ANXA4: variants seen among roughly 807,000 people sequenced by gnomAD.
ANXA4 encodes annexin A4, also known as 35-beta calcimedin.
In ANXA4, 39 loss-of-function variants were observed where a neutral mutation model predicts 49.8. The ratio of observed to expected loss-of-function variants is 0.78; its 90% CI spans 0.61 to 1.02. ANXA4 has a LOEUF of 1.02. Ranked by LOEUF, ANXA4 falls within the 50% of genes least tolerant of loss-of-function variation. ANXA4 has a pLI of 0.00. For synonymous variants in ANXA4, 134 were observed against 152.5 expected (o/e 0.88, Z 0.89); for missense variants, 360 against 410.1 (o/e 0.88, Z 1.05).
chr2:69,807,661 A>G (rs2168115), intron 5 of ANXA4, among the ~76,000 whole-genome samples: 88,881 of 152,028 alleles, frequency 0.58, 28,172 homozygotes, highest in African/African-American at 0.83. Flanking sequence ...GGCAGAAACC[A>G]TACCTACCCG....
At chr2:69,710,826 A>G (rs995841555) in intron 2 of ANXA4, among the ~76,000 whole-genome samples, 14 of 152,242 alleles carry the variant, frequency 9.2e-5, no homozygotes, top group African/African-American at 3.4e-4. Flanking sequence ...ATATGGAGCA[A>G]CTGGAATTCT....
At position 69,727,154 on chromosome 2, in the gene ANXA4, A is replaced by G. The variant is rs1016135227; in HGVS notation, n.864+6283A>G. On this transcript the variant is annotated intron_variant and non_coding_transcript_variant, in intron 3 of 3. Transcript: ENST00000418066. ...CTCCAAAAGTTCTGGGATTATAGGC[A>G]TGAGCCACTGTGCCTAGCCTCGTTT... Among the ~76,000 whole-genome samples the G allele has an allele frequency of 2.0e-5, 3 of 152,356 alleles. No individual in the cohort carries two copies. In the South Asian group the frequency reaches 6.2e-4, roughly 32 times the overall value.
chr2:69,767,570 G>A (rs1466743781), intron 1 of ANXA4, among the ~76,000 whole-genome samples: 1 of 152,206 alleles, frequency 6.6e-6, no homozygotes, highest in East Asian at 1.9e-4. Context: ...ACAGAGCCAT[G>A]CCACGTTGTT....
upstream of ANXA4, among the ~76,000 whole-genome samples, chr2:69,740,333 T>C (rs72903034): frequency 0.041 from 6,292 of 152,240 alleles, 426 homozygotes; most frequent in African/African-American, 0.14. Flanking sequence ...CCACCTCACC[T>C]GGCCTAATTG....
chr2:69,725,007 G>T (rs984212101), intron 3 of ANXA4, among the ~76,000 whole-genome samples: 4 of 152,170 alleles, frequency 2.6e-5, no homozygotes, highest in Non-Finnish European at 5.9e-5. Context: ...ATTGTTTCAT[G>T]GCACTCGTCA....
chr2:69,780,692 T>C (rs1000712853), intron 1 of ANXA4, among the ~76,000 whole-genome samples: 3 of 152,072 alleles, frequency 2.0e-5, no homozygotes, highest in African/African-American at 7.2e-5. Context: ...CAGAGGGCTA[T>C]GATTGCACCA....
At chr2:69,682,543 G>A (rs1677637106) in intron 2 of ANXA4, among the ~76,000 whole-genome samples, 1 of 152,118 alleles carries the variant, frequency 6.6e-6, no homozygotes, top group Non-Finnish European at 1.5e-5. Context: ...TTGTGTAAAT[G>A]AGTTTCTTTA....
intron 2 of ANXA4, among the ~76,000 whole-genome samples, chr2:69,669,716 C>T (rs1246752740): frequency 6.6e-6 from 1 of 152,092 alleles, no homozygotes; most frequent in Non-Finnish European, 1.5e-5. Context: ...ACTGTTCAGC[C>T]TTTATTTCCT....
intron 2 of ANXA4, among the ~76,000 whole-genome samples, chr2:69,657,511 C>T (rs1333046419): frequency 6.6e-6 from 1 of 152,164 alleles, no homozygotes; most frequent in Non-Finnish European, 1.5e-5. Flanking sequence ...CCTACTTATT[C>T]TCCAACAGTT....
chr2:69,771,024 T>C (rs919877971), intron 1 of ANXA4, among the ~76,000 whole-genome samples: 15 of 148,414 alleles, frequency 1.0e-4, no homozygotes, highest in Non-Finnish European at 7.4e-5. Flanking sequence ...AGCTAAGTAG[T>C]TCGAGGCTGA....
chr2:69,760,998 T>TTAAA (rs200501616), intron 1 of ANXA4, among the ~76,000 whole-genome samples: 400 of 36,726 alleles, frequency 0.011, 1 homozygote, highest in African/African-American at 0.031. Flanking sequence ...CTCGTCTCTA[T>TTAAA]TAAATTAATT....
chr2:69,654,124 A>C (rs1240069218), intron 2 of ANXA4, among the ~76,000 whole-genome samples: 1 of 152,158 alleles, frequency 6.6e-6, no homozygotes, highest in Non-Finnish European at 1.5e-5. Flanking sequence ...TGATTTTTGC[A>C]CATTGATTTT....
chr2:69,763,171 G>C (rs1035411253), intron 1 of ANXA4, among the ~76,000 whole-genome samples: 8 of 152,162 alleles, frequency 5.3e-5, no homozygotes, highest in Non-Finnish European at 1.2e-4. Flanking sequence ...ATTTTGGAAA[G>C]ATGTGGGGAC....
chr2:69,739,094 C>G (rs900318930), upstream of ANXA4, among the ~76,000 whole-genome samples: 1 of 152,156 alleles, frequency 6.6e-6, no homozygotes, highest in African/African-American at 2.4e-5. Flanking sequence ...GAAGAGGGAC[C>G]GTGGCCACTG....
At chr2:69,803,333 T>C (rs915086943) in intron 3 of ANXA4, 2 of 152,200 alleles carry the variant, frequency 1.3e-5, no homozygotes, top group Non-Finnish European at 2.9e-5. Flanking sequence ...ATTTTTTCAT[T>C]TCTCCCTGAA....
chr2:69,820,913 G>A (rs1674222285), intron 12 of ANXA4, 92 bp downstream of exon 12: 6 of 1,347,876 alleles, frequency 4.5e-6, no homozygotes, highest in Non-Finnish European at 6.0e-6. Context: ...CCTCTTCTTG[G>A]CATATATCAT....
At chr2:69,767,751 TTTG>T (rs1180470675) in intron 1 of ANXA4, among the ~76,000 whole-genome samples, 1 of 152,164 alleles carries the variant, frequency 6.6e-6, no homozygotes, top group Non-Finnish European at 1.5e-5. Flanking sequence ...GAGGACGGTT[TTTG>T]TTGTTGTTTT....
chr2:69,804,137 CAAAAAAA>C (rs377321563), intron 3 of ANXA4, among the ~76,000 whole-genome samples: 4 of 88,848 alleles, frequency 4.5e-5, no homozygotes, highest in Non-Finnish European at 7.3e-5. Flanking sequence ...GACTTTCTCT[CAAAAAAA>C]AAAAAAAAAA....
intron 2 of ANXA4, among the ~76,000 whole-genome samples, chr2:69,702,296 A>G (rs1678355199): frequency 6.6e-6 from 1 of 152,160 alleles, no homozygotes; most frequent in South Asian, 2.1e-4. Context: ...TACAGGTGTG[A>G]GCCACTGCAC....
Sources: allele counts gnomAD v4.1 joint callset (sites outside exome capture counted in the v4.1 genomes callset), GRCh38; gene constraint gnomAD v4.1.1; transcripts MANE v1.5; gene names NCBI Gene and HGNC (gene_info 2026-07-23, HGNC 2026-07-21).